Variants in BICRA observed in about 807,000 individuals in gnomAD.
BICRA encodes the protein BRD4-interacting chromatin-remodeling complex-associated protein.
In BICRA, 31 loss-of-function variants were observed where a neutral mutation model predicts 96.9. The observed-to-expected ratio is 0.32, with a 90% CI of 0.24 to 0.43. BICRA has a LOEUF of 0.43. Among genes scored for constraint, BICRA ranks in the 20% least tolerant of loss-of-function variants. The pLI, the probability that BICRA is intolerant of heterozygous loss-of-function variation, is 1.00. For missense variants in BICRA, 2,283 were observed against 2,190.3 expected, an observed-to-expected ratio of 1.04 and a Z score of -0.84; for synonymous variants, 1,350 against 1,071.8, an observed-to-expected ratio of 1.26 and a Z score of -5.07.
At chr19:47,615,877 C>T (rs1192229659) in intron 1 of BICRA, 3 of 152,196 alleles carry the variant, frequency 2.0e-5, no homozygotes, top group Admixed American at 6.5e-5. Flanking sequence ...TGAGGCTGAA[C>T]GAAGCAATGT....
At chr19:47,619,591 G>T (rs79083518) in intron 1 of BICRA, among the ~76,000 whole-genome samples, 1 of 149,952 alleles carries the variant, frequency 6.7e-6, no homozygotes, top group African/African-American at 2.4e-5. Flanking sequence ...AGTGTAATTC[G>T]TATACAGTAA....
chr19:47,618,885 A>C (rs1972021285), intron 1 of BICRA, among the ~76,000 whole-genome samples: 1 of 152,200 alleles, frequency 6.6e-6, no homozygotes, highest in Non-Finnish European at 1.5e-5. Flanking sequence ...CCACCTTTCC[A>C]GAGGCTGGAT....
chr19:47,659,370 C>T (rs1386111988), intron 1 of BICRA, among the ~76,000 whole-genome samples: 1 of 152,170 alleles, frequency 6.6e-6, no homozygotes, highest in African/African-American at 2.4e-5. Context: ...GAAGAATCAA[C>T]ATTTTTTTCC....
At chr19:47,659,061 T>G (rs1972665582) in intron 1 of BICRA, among the ~76,000 whole-genome samples, 1 of 152,200 alleles carries the variant, frequency 6.6e-6, no homozygotes, top group Admixed American at 6.5e-5. Flanking sequence ...GATACCTGGT[T>G]TTCTTGGCAA....
Position 47,680,434 on chromosome 19 carries a change from A to G in BICRA, c.1264A>G (p.Asn422Asp). 2.0e-6 allele frequency: 3 copies of G among 1,537,590 alleles called. No individual in the cohort carries two copies. In the South Asian group the frequency reaches 3.6e-5, roughly 18 times the overall value. Reference protein sequence around the residue: ...SGFPAPALQANVFKQPPATTT... With the variant: ...SGFPAPALQADVFKQPPATTT... ...CTTCCCCGCGCCTGCGCTGCAAGCG[A>G]ACGTCTTCAAGCAGCCACCGGCCAC... Residue 422 changes from asparagine (N) to aspartate (D), a missense_variant, in exon 6 of 15, where the codon AAC becomes GAC. Physicochemically the swap from Asn to Asp is conservative, Grantham distance 23 (BLOSUM62 1). Transcript: ENST00000594866.
intron 1 of BICRA, among the ~76,000 whole-genome samples, chr19:47,655,975 C>G (rs1972610929): frequency 6.6e-6 from 1 of 151,828 alleles, no homozygotes; most frequent in Non-Finnish European, 1.5e-5. Flanking sequence ...TAGCTCACGC[C>G]TGTAACCCCA....
intron 1 of BICRA, among the ~76,000 whole-genome samples, chr19:47,617,562 C>T (rs1972004404): frequency 6.6e-6 from 1 of 152,018 alleles, no homozygotes; most frequent in Non-Finnish European, 1.5e-5. Flanking sequence ...AGGGGTTTCA[C>T]CATGTTGGCC....
At chr19:47,667,473 G>A (rs894769827) in intron 1 of BICRA, among the ~76,000 whole-genome samples, 1 of 152,134 alleles carries the variant, frequency 6.6e-6, no homozygotes, top group East Asian at 1.9e-4. Flanking sequence ...CTGCTGGTAG[G>A]TAGGTCGTGC....
At chr19:47,651,010 CA>C (rs1451720228) in intron 1 of BICRA, among the ~76,000 whole-genome samples, 3 of 152,150 alleles carry the variant, frequency 2.0e-5, no homozygotes, top group Non-Finnish European at 4.4e-5. Context: ...AATCCATCTG[CA>C]AACCCTCTTG....
chr19:47,638,746 C>G (rs567564020), intron 1 of BICRA, among the ~76,000 whole-genome samples: 32 of 152,212 alleles, frequency 2.1e-4, no homozygotes, highest in Non-Finnish European at 3.7e-4. Flanking sequence ...ACCCCCACTC[C>G]CTGGTTCAAG....
chr19:47,650,381 T>C (rs1972523746), intron 1 of BICRA, among the ~76,000 whole-genome samples: 1 of 152,132 alleles, frequency 6.6e-6, no homozygotes, highest in East Asian at 1.9e-4. Context: ...TCCTCCCGCC[T>C]TGGCCTCCCA....
intron 1 of BICRA, among the ~76,000 whole-genome samples, chr19:47,645,683 G>A (rs1449281962): frequency 2.0e-5 from 3 of 152,210 alleles, no homozygotes; most frequent in Non-Finnish European, 2.9e-5. Flanking sequence ...CACTCCTGGG[G>A]TAGAGCAAGT....
intron 4 of BICRA, among the ~76,000 whole-genome samples, chr19:47,674,640 A>C (rs1361727094): frequency 6.6e-6 from 1 of 152,224 alleles, no homozygotes; most frequent in African/African-American, 2.4e-5. Flanking sequence ...CTGGGGCTGC[A>C]GTCATCCAAA....
chr19:47,622,254 A>T (rs1239869359), intron 1 of BICRA, among the ~76,000 whole-genome samples: 1 of 147,894 alleles, frequency 6.8e-6, no homozygotes, highest in African/African-American at 2.5e-5. Context: ...GTGAGCCACC[A>T]CTCCCGGCCA....
At chr19:47,649,121 G>A (rs748857379) in intron 1 of BICRA, among the ~76,000 whole-genome samples, 3 of 152,066 alleles carry the variant, frequency 2.0e-5, no homozygotes, top group Non-Finnish European at 4.4e-5. Flanking sequence ...AAAGTGCTGG[G>A]ATTACAGGCG....
chr19:47,645,179 T>C lies in BICRA; in HGVS notation c.-107-25264T>C, dbSNP rs1241764483. 3.9e-5 allele frequency among the ~76,000 whole-genome samples: 6 copies of C among 152,240 alleles called. No homozygotes were observed. The East Asian group carries it at 1.2e-3, about 29-fold the overall frequency. Reference sequence around the variant, plus strand: ...GGTTTGGAATCACGCCAGTTGCATTTACTTGTCTGGTCTCTTTCAGTCCCT... The same window carrying C: ...GGTTTGGAATCACGCCAGTTGCATTCACTTGTCTGGTCTCTTTCAGTCCCT... On this transcript the variant is annotated intron_variant, in intron 1 of 14. Coordinates refer to ENST00000594866, the MANE Select transcript of BICRA (RefSeq NM_001394372.1).
At position 47,703,197 on chromosome 19, in the gene BICRA, G is replaced by A. The variant is rs999625812; in HGVS notation, c.*782G>A. On this transcript the variant is annotated 3_prime_UTR_variant, in exon 15 of 15. Coordinates refer to ENST00000594866, the MANE Select transcript of BICRA (RefSeq NM_001394372.1). ...AATTTTTTTGTACTGTATTTATTGT[G>A]TATAACGATTTTTTTAAAGGAGAAT... 3 of 152,556 alleles carry A rather than the reference G, an allele frequency of 2.0e-5. No individual in the cohort carries two copies. Among genetic ancestry groups the A allele is most frequent in the African/African-American group, 7.2e-5 (3 of 41,402 alleles). The allele number at this position is 152,556 out of a possible 1,614,324, so 9.5% of individuals were successfully genotyped here. A position where few individuals can be genotyped will look rare whatever the true frequency, so the allele number is the denominator to read the frequency against.
chr19:47,636,977 C>T (rs1972308702), intron 1 of BICRA, among the ~76,000 whole-genome samples: 1 of 152,042 alleles, frequency 6.6e-6, no homozygotes, highest in African/African-American at 2.4e-5. Flanking sequence ...GCTGTGGGGC[C>T]CTCCTTCCCC....
intron 2 of BICRA, among the ~76,000 whole-genome samples, chr19:47,673,210 G>A (rs923617504): frequency 2.6e-5 from 4 of 152,066 alleles, no homozygotes; most frequent in African/African-American, 4.8e-5. Flanking sequence ...TGACCCTCCC[G>A]GTGCCTCCAG....
Sources: allele counts gnomAD v4.1 joint callset (sites outside exome capture counted in the v4.1 genomes callset), GRCh38; gene constraint gnomAD v4.1.1; transcripts MANE v1.5; gene names NCBI Gene and HGNC (gene_info 2026-07-23, HGNC 2026-07-21).